The following IL34 variants were observed in gnomAD, a reference collection of about 807,000 sequenced individuals.
IL34 encodes interleukin 34, also known as interleukin-34.
IL34 carries 17 observed loss-of-function variants against 25.3 expected under a neutral mutation model. That is an observed-to-expected ratio of 0.67 (90% CI 0.46 to 1.01). The LOEUF (loss-of-function observed/expected upper bound fraction) is 1.01. Ranked by LOEUF, IL34 falls within the 50% of genes least tolerant of loss-of-function variation. IL34 has a pLI of 0.00. For synonymous variants in IL34, 174 were observed against 140.9 expected, an observed-to-expected ratio of 1.23 and a Z score of -1.66; for missense variants, 368 against 312.9, an observed-to-expected ratio of 1.18 and a Z score of -1.33.
rs1435737767 is a variant in IL34 at position 70,659,768 on chromosome 16, G to A, written c.538+15G>A. The A allele has an allele frequency of 4.4e-6, 7 of 1,586,440 alleles. No individual in the cohort carries two copies. The East Asian group carries it at 1.1e-4, about 26-fold the overall frequency. On this transcript the variant is annotated intron_variant, in intron 5 of 5. Transcript: ENST00000288098. ...CTGCTCCTGCTGTAAGGAGCTCTCA[G>A]GGGATGGCGCCTGGGGGTGGGAGGC...
At chr16:70,628,587 A>C (rs2051448758) in intron 1 of IL34, among the ~76,000 whole-genome samples, 1 of 151,506 alleles carries the variant, frequency 6.6e-6, no homozygotes, top group African/African-American at 2.4e-5. Flanking sequence ...CGCGGGTTCA[A>C]GCGATTCTCC....
intron 1 of IL34, among the ~76,000 whole-genome samples, chr16:70,620,728 T>TC (rs910815661): frequency 1.8e-4 from 8 of 43,786 alleles, no homozygotes; most frequent in South Asian, 1.4e-3. Context: ...ATTATTTAGA[T>TC]TTGCAGGATG....
upstream of IL34, among the ~76,000 whole-genome samples, chr16:70,643,600 C>A (rs1379942974): frequency 1.3e-5 from 2 of 152,172 alleles, no homozygotes; most frequent in African/African-American, 4.8e-5. Context: ...GTCTCAAAGC[C>A]CTGGGCTGAA....
chr16:70,644,995 GGAA>G (rs759418461), upstream of IL34, among the ~76,000 whole-genome samples: 45 of 146,778 alleles, frequency 3.1e-4, no homozygotes, highest in Non-Finnish European at 4.9e-4. Flanking sequence ...GGAGGAAGGA[GGAA>G]GAAGAGGAAG....
At chr16:70,592,335 C>T (rs549870930) in intron 1 of IL34, among the ~76,000 whole-genome samples, 1 of 152,252 alleles carries the variant, frequency 6.6e-6, no homozygotes, top group South Asian at 2.1e-4. Flanking sequence ...CCCCAGTGCA[C>T]CCCACCCTGA....
At chr16:70,654,007 T>C (rs1181956587) in intron 1 of IL34, 1 of 152,396 alleles carries the variant, frequency 6.6e-6, no homozygotes, top group East Asian at 1.9e-4. Flanking sequence ...TGGAAGGCGC[T>C]ACAGACCCGC....
chr16:70,623,862 G>T (rs1299474361), intron 1 of IL34, among the ~76,000 whole-genome samples: 3 of 151,026 alleles, frequency 2.0e-5, no homozygotes, highest in Admixed American at 2.0e-4. Flanking sequence ...AAGAGGTTTA[G>T]AAGCCTGGCC....
At chr16:70,659,037 A>G (rs1374782694) in intron 4 of IL34, among the ~76,000 whole-genome samples, 1 of 152,032 alleles carries the variant, frequency 6.6e-6, no homozygotes, top group Non-Finnish European at 1.5e-5. Context: ...CTTCCAGAAG[A>G]TCACCCCCCA....
rs548585613 is a variant in IL34, at chr16:70,647,108, C to G, written c.28+133C>G. 462 of 813,936 alleles carry G rather than the reference C, an allele frequency of 5.7e-4. 5 individuals are homozygous for G. In the South Asian group the frequency reaches 0.011, roughly 19 times the overall value. The allele number at this position is 813,936 out of a possible 1,614,324, so 50.4% of individuals were successfully genotyped here. On this transcript the variant is annotated intron_variant, in intron 1 of 5. Coordinates refer to ENST00000288098, the MANE Select transcript of IL34 (RefSeq NM_001393494.1). Reference sequence around the variant, plus strand: ...ATGCTTCCCAGCCGGACTGCAGACACCCTCTGAGATTCCCACGGCCGCCGT... The same window carrying G: ...ATGCTTCCCAGCCGGACTGCAGACAGCCTCTGAGATTCCCACGGCCGCCGT...
intron 1 of IL34, among the ~76,000 whole-genome samples, chr16:70,648,777 A>G (rs1287858801): frequency 2.0e-5 from 3 of 151,924 alleles, no homozygotes; most frequent in African/African-American, 4.8e-5. Context: ...GGTGGCTTAG[A>G]GCAACAGGAA....
At chr16:70,581,014 C>T (rs1049951589) in intron 1 of IL34, among the ~76,000 whole-genome samples, 40 of 151,312 alleles carry the variant, frequency 2.6e-4, no homozygotes, top group Admixed American at 4.6e-4. Flanking sequence ...TGGGTTCAAG[C>T]GATTCTCCTG....
At chr16:70,653,596 G>A (rs978434100) in intron 1 of IL34, among the ~76,000 whole-genome samples, 28 of 152,132 alleles carry the variant, frequency 1.8e-4, no homozygotes, top group Non-Finnish European at 5.9e-5. Context: ...TACTCTGGAG[G>A]CTGAGGCAGA....
At chr16:70,628,142 G>A (rs1192143157) in intron 1 of IL34, among the ~76,000 whole-genome samples, 2 of 152,146 alleles carry the variant, frequency 1.3e-5, no homozygotes, top group Non-Finnish European at 2.9e-5. Context: ...TCTAGGGTGT[G>A]TGTGTAGTGG....
chr16:70,631,058 T>A (rs933924395), intron 1 of IL34, among the ~76,000 whole-genome samples: 1 of 152,208 alleles, frequency 6.6e-6, no homozygotes, highest in Non-Finnish European at 1.5e-5. Flanking sequence ...CATTTTCAAT[T>A]TGTGGTTGGT....
chr16:70,638,924 A>C (rs562096493), intron 1 of IL34, among the ~76,000 whole-genome samples: 174 of 152,292 alleles, frequency 1.1e-3, no homozygotes, highest in Middle Eastern at 0.01. Context: ...TAAGTAAAAA[A>C]AGTGAGTGAA....
intron 1 of IL34, among the ~76,000 whole-genome samples, chr16:70,632,674 A>T (rs955778907): frequency 3.3e-5 from 5 of 151,954 alleles, no homozygotes; most frequent in Non-Finnish European, 7.4e-5. Context: ...TGTTTGAGAG[A>T]GTGAAGGGGG....
Position 70,596,843 on chromosome 16 carries a change from T to G in IL34, c.-401+16794T>G, listed in dbSNP as rs75347944. ...TGGTCTCAAGTGATTTCCCTTGGCC[T>G]CCCAAAGTGCTGGGATTACAGGCAT... On this transcript the variant is annotated intron_variant, in intron 1 of 6. Coordinates refer to the IL34 transcript ENST00000429149. Among the ~76,000 whole-genome samples, 103 of 152,274 alleles carry G rather than the reference T, an allele frequency of 6.8e-4. 3 individuals are homozygous for G. In the East Asian group the frequency reaches 0.017, roughly 25 times the overall value.
chr16:70,609,709 C>T (rs1397888976), intron 1 of IL34, among the ~76,000 whole-genome samples: 1 of 152,058 alleles, frequency 6.6e-6, no homozygotes, highest in Non-Finnish European at 1.5e-5. Flanking sequence ...AGGGATTTAT[C>T]CTGCCTTGGT....
rs529295055 is a variant in IL34, at chr16:70,622,694, C to A, written c.-400-23854C>A. On this transcript the variant is annotated intron_variant, in intron 1 of 6. Coordinates refer to the IL34 transcript ENST00000429149. ...GTGGGGGGCCAGATTGAAGTCCGGG[C>A]CAGGAACAATGGTAATTGTGGGACT... is the stretch of plus-strand genomic sequence containing the variant. Among the ~76,000 whole-genome samples the A allele has an allele frequency of 3.3e-5, 5 of 151,970 alleles. No homozygotes were observed. The South Asian group carries it at 8.4e-4, about 25-fold the overall frequency.
Sources: gnomAD v4.1 joint callset for allele counts (sites outside exome capture counted in the v4.1 genomes callset) on GRCh38, gnomAD v4.1.1 for gene constraint, MANE v1.5 for transcripts, NCBI Gene and HGNC (gene_info 2026-07-23, HGNC 2026-07-21) for gene names.